NCKAP5: variants seen among roughly 807,000 people sequenced by gnomAD.
NCKAP5 encodes NCK associated protein 5.
A neutral mutation model predicts 167.0 loss-of-function variants in NCKAP5; 92 were observed. The ratio of observed to expected loss-of-function variants is 0.55; its 90% CI spans 0.47 to 0.66. The LOEUF is 0.66. Among genes scored for constraint, NCKAP5 ranks in the 30% least tolerant of loss-of-function variants. The pLI, the probability that NCKAP5 is intolerant of heterozygous loss-of-function variation, is 0.00. For missense variants in NCKAP5, 2,378 were observed against 2,315.0 expected (o/e 1.03, Z -0.56); for synonymous variants, 891 against 877.4 (o/e 1.02, Z -0.27).
chr2:132,825,257 T>C (rs568942751), intron 11 of NCKAP5, among the ~76,000 whole-genome samples: 1 of 152,302 alleles, frequency 6.6e-6, no homozygotes, highest in East Asian at 1.9e-4. Flanking sequence ...AAACATAGCA[T>C]GTTCAAGGTA....
At chr2:132,760,219 C>G (rs945515242) in intron 16 of NCKAP5, among the ~76,000 whole-genome samples, 2 of 152,108 alleles carry the variant, frequency 1.3e-5, no homozygotes, top group East Asian at 3.9e-4. Context: ...CATTTCAGAT[C>G]TTCCTGAGAT....
intron 19 of NCKAP5, among the ~76,000 whole-genome samples, chr2:132,689,478 A>G (rs1686437695): frequency 6.6e-6 from 1 of 152,162 alleles, no homozygotes; most frequent in Non-Finnish European, 1.5e-5. Flanking sequence ...ACTATTTTTA[A>G]GAAAAGAGCA....
chr2:133,217,559 G>A (rs1406959513), intron 4 of NCKAP5, among the ~76,000 whole-genome samples: 1 of 151,988 alleles, frequency 6.6e-6, no homozygotes, highest in Non-Finnish European at 1.5e-5. Context: ...GACCACAACA[G>A]TAGCAACCAA....
chr2:133,064,049 C>T (rs1044471949), intron 6 of NCKAP5, among the ~76,000 whole-genome samples: 1 of 152,188 alleles, frequency 6.6e-6, no homozygotes. Context: ...CAGCGACTCA[C>T]TAGTCAAGAT....
intron 2 of NCKAP5, among the ~76,000 whole-genome samples, chr2:133,538,582 A>G (rs534629918): frequency 6.6e-6 from 1 of 152,294 alleles, no homozygotes; most frequent in South Asian, 2.1e-4. Flanking sequence ...AAGGAAAAGG[A>G]CACCGAAGTC....
At chr2:132,968,761 A>G (rs141259348) in intron 7 of NCKAP5, among the ~76,000 whole-genome samples, 1 of 152,346 alleles carries the variant, frequency 6.6e-6, no homozygotes, top group Non-Finnish European at 1.5e-5. Flanking sequence ...GGGAGAAAAT[A>G]GAGGCAATTT....
At chr2:133,387,207 T>A in intron 3 of NCKAP5, among the ~76,000 whole-genome samples, 1 of 152,190 alleles carries the variant, frequency 6.6e-6, no homozygotes, top group East Asian at 1.9e-4. Flanking sequence ...CCATGTTTAG[T>A]GCTTCCTTCA....
chr2:132,751,903 TG>T (rs745668598), intron 16 of NCKAP5, among the ~76,000 whole-genome samples: 1 of 152,212 alleles, frequency 6.6e-6, no homozygotes, highest in Non-Finnish European at 1.5e-5. Flanking sequence ...GCCTGCCCAC[TG>T]TGGAATCTGG....
At chr2:133,241,068 A>G (rs2087681543) in intron 4 of NCKAP5, among the ~76,000 whole-genome samples, 1 of 152,222 alleles carries the variant, frequency 6.6e-6, no homozygotes. Flanking sequence ...TTTCTGTTTC[A>G]AGCCTGTGAC....
chr2:133,069,237 T>C (rs754484743), intron 6 of NCKAP5, among the ~76,000 whole-genome samples: 5 of 152,190 alleles, frequency 3.3e-5, no homozygotes, highest in African/African-American at 4.8e-5. Flanking sequence ...CCAGCCCAAA[T>C]AGAAAATAAC....
At chr2:133,117,885 T>G (rs1414746861) in intron 6 of NCKAP5, 1 of 152,190 alleles carries the variant, frequency 6.6e-6, no homozygotes, top group Non-Finnish European at 1.5e-5. Flanking sequence ...CTGCCCAAGA[T>G]GCAAGCGAAT....
At chr2:133,669,661 A>G in the NCKAP5 span, among the ~76,000 whole-genome samples, 3 of 152,250 alleles carry the variant, frequency 2.0e-5, no homozygotes, top group African/African-American at 7.2e-5. Flanking sequence ...TCAACCTGAC[A>G]GAATCCAAAG....
the NCKAP5 span, among the ~76,000 whole-genome samples, chr2:133,656,280 A>AAC: frequency 3.1e-5 from 4 of 128,790 alleles, no homozygotes; most frequent in African/African-American, 8.1e-5. Flanking sequence ...AACAAAAAAA[A>AAC]AAAAAAACCA....
intron 3 of NCKAP5, among the ~76,000 whole-genome samples, chr2:133,384,280 G>A (rs1166489682): frequency 6.6e-6 from 1 of 152,158 alleles, no homozygotes; most frequent in African/African-American, 2.4e-5. Context: ...CATATGGCTA[G>A]CCAGTTTTCC....
intron 3 of NCKAP5, among the ~76,000 whole-genome samples, chr2:133,397,099 A>C (rs1262086998): frequency 6.6e-6 from 1 of 152,242 alleles, no homozygotes; most frequent in African/African-American, 2.4e-5. Flanking sequence ...AGCATAACAC[A>C]ACATAATCAA....
At chr2:132,944,120 C>T (rs945144943) in intron 8 of NCKAP5, among the ~76,000 whole-genome samples, 7 of 152,066 alleles carry the variant, frequency 4.6e-5, no homozygotes, top group East Asian at 3.9e-4. Flanking sequence ...TGTCTTATAA[C>T]GCAAGAGCAG....
intron 6 of NCKAP5, among the ~76,000 whole-genome samples, chr2:133,074,646 G>A (rs570068821): frequency 2.6e-5 from 4 of 152,224 alleles, no homozygotes; most frequent in South Asian, 4.1e-4. Flanking sequence ...ACAGGTGTGA[G>A]CCACCATGCC....
the NCKAP5 span, among the ~76,000 whole-genome samples, chr2:133,663,588 C>T: frequency 2.0e-5 from 3 of 152,312 alleles, no homozygotes; most frequent in African/African-American, 7.2e-5. Context: ...ACAATGTTCA[C>T]TGCATCTTCA....
chr2:133,186,433 C>T (rs576766906), intron 5 of NCKAP5, among the ~76,000 whole-genome samples: 2 of 152,074 alleles, frequency 1.3e-5, no homozygotes, highest in Non-Finnish European at 2.9e-5. Context: ...CACTGTGTCT[C>T]TGCAAGGTTT....
Sources: gnomAD v4.1 joint callset for allele counts (sites outside exome capture counted in the v4.1 genomes callset) on GRCh38, gnomAD v4.1.1 for gene constraint, MANE v1.5 for transcripts, NCBI Gene and HGNC (gene_info 2026-07-23, HGNC 2026-07-21) for gene names.